The following KIAA1328 variants were observed in gnomAD, a reference collection of about 807,000 sequenced individuals.
KIAA1328 encodes the protein KIAA1328, also known as protein hinderin.
KIAA1328 carries 52 observed loss-of-function variants against 68.1 expected under a neutral mutation model. That is an observed-to-expected ratio of 0.76 (90% confidence interval 0.61 to 0.96). The LOEUF is 0.96. Among genes scored for constraint, KIAA1328 ranks in the 40% least tolerant of loss-of-function variants. KIAA1328 has a pLI of 0.00. For synonymous variants in KIAA1328, 232 were observed against 239.4 expected, an observed-to-expected ratio of 0.97 and a Z score of 0.28; for missense variants, 641 against 677.6, an observed-to-expected ratio of 0.95 and a Z score of 0.60.
intron 6 of KIAA1328, among the ~76,000 whole-genome samples, chr18:37,002,842 A>G (rs1442806121): frequency 6.6e-6 from 1 of 152,180 alleles, no homozygotes; most frequent in Non-Finnish European, 1.5e-5. Flanking sequence ...AGACAATCCT[A>G]CAATTCATAT....
intron 5 of KIAA1328, among the ~76,000 whole-genome samples, chr18:36,900,506 C>T (rs554569553): frequency 1.8e-4 from 27 of 151,868 alleles, no homozygotes; most frequent in African/African-American, 6.5e-4. Context: ...AATAAGTGAG[C>T]ACTGCTGGTG....
Position 36,909,962 on chromosome 18 carries a change from C to T in KIAA1328, c.448+24290C>T, listed in dbSNP as rs1239204966. ...AGAAGTGTCTGTTCATATCCTTCACCCACTTTTTGATGGGGTTGTTTTTTT... is the reference window on the plus strand; with the variant it reads ...AGAAGTGTCTGTTCATATCCTTCACTCACTTTTTGATGGGGTTGTTTTTTT... On this transcript the variant is annotated intron_variant, in intron 5 of 9. Transcript: ENST00000280020. Among the ~76,000 whole-genome samples the T allele has an allele frequency of 5.9e-5, 9 of 152,208 alleles. No homozygotes were observed. The East Asian group carries it at 1.7e-3, about 29-fold the overall frequency.
At chr18:36,926,152 A>G (rs1010255834) in intron 5 of KIAA1328, among the ~76,000 whole-genome samples, 1 of 152,060 alleles carries the variant, frequency 6.6e-6, no homozygotes, top group African/African-American at 2.4e-5. Flanking sequence ...TTGGGTGCTA[A>G]TTGATTGGAG....
intron 4 of KIAA1328, among the ~76,000 whole-genome samples, chr18:36,848,750 GT>G (rs890686490): frequency 1.3e-5 from 2 of 150,448 alleles, no homozygotes; most frequent in African/African-American, 4.9e-5. Context: ...TTTATTGAGA[GT>G]TTTTATCTTT....
At chr18:36,966,576 T>C (rs1048773218) in intron 6 of KIAA1328, among the ~76,000 whole-genome samples, 2 of 152,040 alleles carry the variant, frequency 1.3e-5, no homozygotes, top group African/African-American at 4.8e-5. Flanking sequence ...ATCCTGCATA[T>C]AGAGAATCAT....
At chr18:36,860,891 G>GA (rs1263296022) in intron 4 of KIAA1328, among the ~76,000 whole-genome samples, 1 of 151,988 alleles carries the variant, frequency 6.6e-6, no homozygotes, top group Non-Finnish European at 1.5e-5. Context: ...TTATGATATG[G>GA]AAAAAAATCT....
chr18:37,158,892 G>T (rs1217271543), intron 7 of KIAA1328, among the ~76,000 whole-genome samples: 1 of 152,034 alleles, frequency 6.6e-6, no homozygotes. Flanking sequence ...GGATTTGCCT[G>T]GGTTTGGGGC....
At chr18:36,922,157 G>A (rs550427721) in intron 5 of KIAA1328, among the ~76,000 whole-genome samples, 7 of 151,990 alleles carry the variant, frequency 4.6e-5, no homozygotes, top group Non-Finnish European at 1.0e-4. Flanking sequence ...ATTTTAGCAG[G>A]ATAGGAATAG....
intron 7 of KIAA1328, among the ~76,000 whole-genome samples, chr18:37,081,646 C>G (rs762257522): frequency 6.6e-6 from 1 of 152,180 alleles, no homozygotes; most frequent in Non-Finnish European, 1.5e-5. Context: ...GTATTTGAAG[C>G]CTTTTATAAT....
At chr18:37,039,252 A>G (rs2055148531) in intron 6 of KIAA1328, among the ~76,000 whole-genome samples, 1 of 151,672 alleles carries the variant, frequency 6.6e-6, no homozygotes, top group African/African-American at 2.4e-5. Flanking sequence ...TTCCTCCTCT[A>G]TTTTCTGCAA....
chr18:36,944,349 C>T lies in KIAA1328; in HGVS notation c.449-14959C>T, dbSNP rs537547672. ...ATCCCAGCACTTTAGGAGGACAAGG[C>T]GGGCGGATCACAAGATCAGGAGATC... On this transcript the variant is annotated intron_variant, in intron 5 of 9. Transcript: ENST00000280020. 5.1e-4 allele frequency among the ~76,000 whole-genome samples: 78 copies of T among 152,112 alleles called. 1 individual carries two copies. The Middle Eastern group carries it at 0.024, about 46-fold the overall frequency.
At chr18:36,896,572 G>A (rs1343582720) in intron 5 of KIAA1328, among the ~76,000 whole-genome samples, 1 of 152,096 alleles carries the variant, frequency 6.6e-6, no homozygotes, top group Non-Finnish European at 1.5e-5. Flanking sequence ...AATAAGCTCA[G>A]CAAACTGAAA....
intron 6 of KIAA1328, among the ~76,000 whole-genome samples, chr18:37,052,641 T>C (rs555151808): frequency 2.6e-5 from 4 of 151,004 alleles, no homozygotes; most frequent in African/African-American, 9.7e-5. Flanking sequence ...ACAAATTCAC[T>C]AAGGTTTCAG....
intron 9 of KIAA1328, among the ~76,000 whole-genome samples, chr18:37,178,659 A>G (rs2059640833): frequency 6.6e-6 from 1 of 152,096 alleles, no homozygotes; most frequent in Admixed American, 6.6e-5. Context: ...GAGCATCCAT[A>G]CTATTTTTCA....
At chr18:37,171,447 T>C (rs1006536827) in intron 8 of KIAA1328, among the ~76,000 whole-genome samples, 1 of 152,132 alleles carries the variant, frequency 6.6e-6, no homozygotes, top group Non-Finnish European at 1.5e-5. Flanking sequence ...ACTCCTGGCC[T>C]GATCCTCCTG....
intron 7 of KIAA1328, among the ~76,000 whole-genome samples, chr18:37,069,718 C>T (rs1458815851): frequency 6.6e-6 from 1 of 152,128 alleles, no homozygotes; most frequent in Non-Finnish European, 1.5e-5. Context: ...TTCAAATTAT[C>T]TATTGGATAA....
chr18:36,989,996 A>G (rs1439384028), intron 6 of KIAA1328, among the ~76,000 whole-genome samples: 1 of 152,142 alleles, frequency 6.6e-6, no homozygotes, highest in Non-Finnish European at 1.5e-5. Context: ...CCCAGCCAGT[A>G]TACTACTTTT....
chr18:37,119,938 G>A (rs2058224760), intron 7 of KIAA1328, among the ~76,000 whole-genome samples: 1 of 151,996 alleles, frequency 6.6e-6, no homozygotes, highest in Non-Finnish European at 1.5e-5. Context: ...TTTATTGTAG[G>A]GATGGGGCAA....
rs148649796 is a variant in KIAA1328, at chr18:36,847,840, G to C, written c.332+3538G>C. Among the ~76,000 whole-genome samples the C allele has an allele frequency of 1.8e-4, 28 of 151,658 alleles. No individual in the cohort carries two copies. The East Asian group carries it at 5.2e-3, about 28-fold the overall frequency. On this transcript the variant is annotated intron_variant, in intron 4 of 9. Coordinates refer to ENST00000280020, the MANE Select transcript of KIAA1328 (RefSeq NM_020776.3). ...CAAATTGCAAAGGTTGTTTTTCTATGTTAGAAAAGACTTCCTACAGAATTA... is the reference window on the plus strand; with the variant it reads ...CAAATTGCAAAGGTTGTTTTTCTATCTTAGAAAAGACTTCCTACAGAATTA...
Sources: gnomAD v4.1 joint callset for allele counts (sites outside exome capture counted in the v4.1 genomes callset) on GRCh38, gnomAD v4.1.1 for gene constraint, MANE v1.5 for transcripts, NCBI Gene and HGNC (gene_info 2026-07-23, HGNC 2026-07-21) for gene names.